The following CIST1 variants were observed in gnomAD, a reference collection of about 807,000 sequenced individuals.
CIST1 encodes colon, intestine and stomach enriched 1.
At chr19:18,250,343 G>A in the CIST1 span, 71 of 399,080 alleles carry the variant, frequency 1.8e-4, no homozygotes, top group Admixed American at 2.4e-3. Context: ...CTCAAACTTG[G>A]ACTCATTCCG....
At chr19:18,255,181 T>C in the CIST1 span, 10 of 385,780 alleles carry the variant, frequency 2.6e-5, no homozygotes, top group Middle Eastern at 6.5e-4. This position sits in a 1 kb window ranked among gnomAD's most constrained non-coding sequence, Gnocchi z 4.6. Context: ...CCCCCACCCT[T>C]CCGCTTTCTG....
chr19:18,255,204 C>G, the CIST1 span: 2 of 398,824 alleles, frequency 5.0e-6, no homozygotes, highest in Non-Finnish European at 4.4e-6. The surrounding 1 kb of genome is among the most constrained non-coding windows in gnomAD (Gnocchi z 4.6). Context: ...AGCTGAGCCT[C>G]TTTACCAGCT....
the CIST1 span, among the ~76,000 whole-genome samples, chr19:18,254,318 G>A: frequency 6.6e-6 from 1 of 152,234 alleles, no homozygotes; most frequent in East Asian, 1.9e-4. Context: ...AGTGAACTGA[G>A]GAAAAGCTGT....
the CIST1 span, among the ~76,000 whole-genome samples, chr19:18,250,778 T>A: frequency 6.6e-6 from 1 of 151,086 alleles, no homozygotes; most frequent in South Asian, 2.1e-4. Context: ...GGACAATTTT[T>A]TTTTTTTTTT....
the CIST1 span, chr19:18,252,495 T>C: frequency 2.6e-6 from 1 of 389,876 alleles, no homozygotes; most frequent in Non-Finnish European, 4.4e-6. Context: ...CTGGGCGCGG[T>C]GGCTCACGCC....
At chr19:18,255,235 T>C in the CIST1 span, 1 of 398,964 alleles carries the variant, frequency 2.5e-6, no homozygotes, top group Non-Finnish European at 4.4e-6. This position sits in a 1 kb window ranked among gnomAD's most constrained non-coding sequence, Gnocchi z 4.6. Context: ...AAGGGAGTAT[T>C]GTAATTCACA....
chr19:18,254,498 T>C, the CIST1 span, among the ~76,000 whole-genome samples: 3 of 152,332 alleles, frequency 2.0e-5, no homozygotes, highest in South Asian at 6.2e-4. Context: ...GAGGCTCACA[T>C]GAGCCAAGTC....
chr19:18,254,988 G>A, the CIST1 span, among the ~76,000 whole-genome samples: 1 of 152,228 alleles, frequency 6.6e-6, no homozygotes, highest in Non-Finnish European at 1.5e-5. Context: ...GCAGGTTCAG[G>A]GCTCACTGGA....
chr19:18,251,191 T>C, the CIST1 span, among the ~76,000 whole-genome samples: 1 of 151,706 alleles, frequency 6.6e-6, no homozygotes, highest in Non-Finnish European at 1.5e-5. Flanking sequence ...AGTGGTTCAA[T>C]GTGGGCTCAC....
the CIST1 span, among the ~76,000 whole-genome samples, chr19:18,250,878 A>G: frequency 6.7e-6 from 1 of 150,286 alleles, no homozygotes; most frequent in African/African-American, 2.5e-5. Flanking sequence ...GGATCTAGTG[A>G]TCCTCTTACC....
At chr19:18,254,950 G>T in the CIST1 span, among the ~76,000 whole-genome samples, 1 of 152,260 alleles carries the variant, frequency 6.6e-6, no homozygotes, top group African/African-American at 2.4e-5. Flanking sequence ...GAGCCCAAAA[G>T]TAGGTGTGAG....
chr19:18,250,064 A>C, the CIST1 span: 1 of 398,586 alleles, frequency 2.5e-6, no homozygotes, highest in African/African-American at 2.1e-5. Flanking sequence ...TTATTTCCTC[A>C]GGTTCTGCTC....
chr19:18,255,337 C>T, the CIST1 span: 1 of 392,580 alleles, frequency 2.5e-6, no homozygotes, highest in Non-Finnish European at 4.4e-6. This position sits in a 1 kb window ranked among gnomAD's most constrained non-coding sequence, Gnocchi z 4.6. Flanking sequence ...GCCACCGGCT[C>T]TGCACAGGTG....
At chr19:18,251,491 G>A in the CIST1 span, among the ~76,000 whole-genome samples, 38 of 151,626 alleles carry the variant, frequency 2.5e-4, no homozygotes, top group Admixed American at 2.1e-3. Flanking sequence ...CTGGAGTGCA[G>A]TGGCACGATC....
At chr19:18,255,414 G>A in the CIST1 span, 12 of 397,128 alleles carry the variant, frequency 3.0e-5, no homozygotes, top group East Asian at 3.2e-4. This position sits in a 1 kb window ranked among gnomAD's most constrained non-coding sequence, Gnocchi z 4.6. Context: ...CTGGCGGAGC[G>A]CGGGGCTGTG....
the CIST1 span, among the ~76,000 whole-genome samples, chr19:18,251,809 A>G: frequency 6.6e-6 from 1 of 151,498 alleles, no homozygotes; most frequent in Non-Finnish European, 1.5e-5. Flanking sequence ...GCCCAAATAC[A>G]TAATGTATAA....
the CIST1 span, among the ~76,000 whole-genome samples, chr19:18,251,879 C>T: frequency 6.6e-6 from 1 of 151,974 alleles, no homozygotes; most frequent in East Asian, 1.9e-4. Context: ...GCGTGCCCAG[C>T]CGTGACATAC....
chr19:18,253,563 A>ACAC, the CIST1 span, among the ~76,000 whole-genome samples: 89 of 141,756 alleles, frequency 6.3e-4, no homozygotes, highest in East Asian at 7.1e-3. Flanking sequence ...AAAAAAAAAA[A>ACAC]ACACACACAC....
chr19:18,251,699 G>GCCCCCGCCCCCT, the CIST1 span, among the ~76,000 whole-genome samples: 1 of 53,040 alleles, frequency 1.9e-5, no homozygotes, highest in Non-Finnish European at 4.0e-5. Context: ...CCCCGCCCCC[G>GCCCCCGCCCCCT]CCCTCGGCCT....
Sources: allele counts gnomAD v4.1 joint callset (sites outside exome capture counted in the v4.1 genomes callset), GRCh38; gene constraint gnomAD v4.1.1; non-coding constraint Gnocchi (gnomAD v3.1); transcripts MANE v1.5; gene names NCBI Gene and HGNC (gene_info 2026-07-23, HGNC 2026-07-21).